Variants in SLC5A4 observed in about 807,000 individuals in gnomAD.
SLC5A4 encodes the protein probable glucose sensor protein SLC5A4.
SLC5A4 carries 55 observed loss-of-function variants against 70.3 expected under a neutral mutation model. The observed-to-expected ratio is 0.78, with a 90% CI of 0.63 to 0.98. SLC5A4 has a LOEUF of 0.98. Ranked by LOEUF, SLC5A4 falls within the 50% of genes least tolerant of loss-of-function variation. The pLI, the probability that SLC5A4 is intolerant of heterozygous loss-of-function variation, is 0.00. For synonymous variants in SLC5A4, 268 were observed against 305.7 expected (o/e 0.88, Z 1.29); for missense variants, 735 against 839.2 (o/e 0.88, Z 1.53).
At chr22:32,239,142 G>T (rs1003504502) in intron 5 of SLC5A4, 52 bp from the exon 6 acceptor site, 4 of 1,330,304 alleles carry the variant, frequency 3.0e-6, no homozygotes, top group Non-Finnish European at 4.3e-6. Context: ...GAGGCCACTG[G>T]CTTCTCTGCC....
intron 5 of SLC5A4, among the ~76,000 whole-genome samples, 172 bp from the exon 6 acceptor site, chr22:32,239,262 G>T (rs997674684): frequency 2.0e-5 from 3 of 151,260 alleles, no homozygotes; most frequent in Admixed American, 2.0e-4. Context: ...CTCAAAAAAC[G>T]ATTTTTACTC....
At chr22:32,270,805 T>A in the SLC5A4 span, 3,159 of 593,514 alleles carry the variant, frequency 5.3e-3, 14 homozygotes, top group Middle Eastern at 8.5e-3. Context: ...CGTCACCATG[T>A]TCCTGCTGAA....
At chr22:32,265,157 T>C in the SLC5A4 span, among the ~76,000 whole-genome samples, 19 of 152,344 alleles carry the variant, frequency 1.2e-4, no homozygotes, top group African/African-American at 4.6e-4. Context: ...CCCAGCACTT[T>C]GGAAGGCCAA....
At chr22:32,305,524 CCAT>C in the SLC5A4 span, among the ~76,000 whole-genome samples, 60 of 148,836 alleles carry the variant, frequency 4.0e-4, 5 homozygotes, top group African/African-American at 1.3e-3. Flanking sequence ...TCTGGTATCC[CCAT>C]CATCAGATTT....
At chr22:32,346,567 G>C in the SLC5A4 span, among the ~76,000 whole-genome samples, 1 of 143,746 alleles carries the variant, frequency 7.0e-6, no homozygotes, top group Non-Finnish European at 1.5e-5. Context: ...GCAACTATCT[G>C]ATCTTTGACA....
chr22:32,324,551 A>T, the SLC5A4 span, among the ~76,000 whole-genome samples: 1 of 152,066 alleles, frequency 6.6e-6, no homozygotes, highest in African/African-American at 2.4e-5. Flanking sequence ...ACTCCTACAC[A>T]TCCTTCAAGA....
chr22:32,353,370 G>A, the SLC5A4 span, among the ~76,000 whole-genome samples: 34 of 152,090 alleles, frequency 2.2e-4, no homozygotes, highest in Admixed American at 9.2e-4. Context: ...TGCGTGCCCG[G>A]GGGTCCCAGG....
chr22:32,310,607 G>A, the SLC5A4 span, among the ~76,000 whole-genome samples: 20 of 152,186 alleles, frequency 1.3e-4, no homozygotes, highest in Admixed American at 9.8e-4. Context: ...CTTTGCCTCT[G>A]CCAAGCCATA....
intron 14 of SLC5A4, 27 bp from the exon 15 acceptor site, chr22:32,218,752 C>G: frequency 6.4e-7 from 1 of 1,551,298 alleles, no homozygotes. Flanking sequence ...CAAATGATTG[C>G]AGAAGATCTA....
the SLC5A4 span, among the ~76,000 whole-genome samples, chr22:32,309,303 C>G: frequency 1.3e-5 from 2 of 152,228 alleles, no homozygotes; most frequent in African/African-American, 4.8e-5. Flanking sequence ...ACAGTCCTTA[C>G]AAACGCGGTA....
chr22:32,299,929 G>A, the SLC5A4 span, among the ~76,000 whole-genome samples: 1 of 113,884 alleles, frequency 8.8e-6, no homozygotes, highest in Non-Finnish European at 1.9e-5. Context: ...AGGTGTCAGT[G>A]TGCCCCTGCT....
At chr22:32,335,465 A>G in the SLC5A4 span, among the ~76,000 whole-genome samples, 2 of 152,184 alleles carry the variant, frequency 1.3e-5, no homozygotes, top group Non-Finnish European at 1.5e-5. Flanking sequence ...GAGACAAGAA[A>G]AGAGGATAGA....
chr22:32,268,365 C>T, the SLC5A4 span: 1 of 152,094 alleles, frequency 6.6e-6, no homozygotes, highest in Non-Finnish European at 1.5e-5. Flanking sequence ...AACCCGTGTA[C>T]CTAAGTCGTG....
the SLC5A4 span, among the ~76,000 whole-genome samples, chr22:32,306,919 T>TC: frequency 6.9e-6 from 1 of 144,594 alleles, no homozygotes; most frequent in East Asian, 2.0e-4. Flanking sequence ...GCGCTCTCTC[T>TC]TGGGCCACCA....
At chr22:32,318,717 G>A in the SLC5A4 span, among the ~76,000 whole-genome samples, 481 of 152,288 alleles carry the variant, frequency 3.2e-3, 3 homozygotes, top group African/African-American at 0.011. Context: ...GAGAAGCCCT[G>A]TGAAAACCTA....
the SLC5A4 span, among the ~76,000 whole-genome samples, chr22:32,306,231 C>G: frequency 5.3e-4 from 80 of 152,060 alleles, no homozygotes; most frequent in Non-Finnish European, 8.8e-4. Flanking sequence ...TTTGGGAGGC[C>G]GAGGCAGGCA....
the SLC5A4 span, among the ~76,000 whole-genome samples, chr22:32,275,826 C>T: frequency 5.9e-5 from 9 of 152,204 alleles, no homozygotes; most frequent in East Asian, 1.5e-3. Context: ...AGTTTATAAT[C>T]CCACCAACAG....
intron 8 of SLC5A4, among the ~76,000 whole-genome samples, chr22:32,233,907 G>T (rs1925909154): frequency 6.6e-6 from 1 of 151,670 alleles, no homozygotes; most frequent in South Asian, 2.1e-4. Flanking sequence ...TACATCACAT[G>T]GTTCAGCTGT....
chr22:32,262,874 A>G, the SLC5A4 span, among the ~76,000 whole-genome samples: 6 of 151,530 alleles, frequency 4.0e-5, no homozygotes, highest in Non-Finnish European at 5.9e-5. Context: ...GGTTCATGCC[A>G]TTCTCCTGCC....
Sources: gnomAD v4.1 joint callset for allele counts (sites outside exome capture counted in the v4.1 genomes callset) on GRCh38, gnomAD v4.1.1 for gene constraint, MANE v1.5 for transcripts, NCBI Gene and HGNC (gene_info 2026-07-23, HGNC 2026-07-21) for gene names.